Variants in GAS2 observed in about 807,000 individuals in gnomAD.
GAS2 encodes growth arrest-specific protein 2.
A neutral mutation model predicts 37.5 loss-of-function variants in GAS2; 20 were observed. That is an observed-to-expected ratio of 0.53 (90% CI 0.37 to 0.77). GAS2 has a LOEUF of 0.77. GAS2 is among the 30% of genes least tolerant of loss of function. GAS2 has a pLI of 0.00. For missense variants in GAS2, 336 were observed against 373.4 expected (o/e 0.90, Z 0.82); for synonymous variants, 144 against 132.2 (o/e 1.09, Z -0.61).
intron 4 of GAS2, among the ~76,000 whole-genome samples, chr11:22,737,449 G>T (rs930677933): frequency 3.3e-5 from 5 of 152,132 alleles, no homozygotes; most frequent in African/African-American, 1.2e-4. Context: ...TTTCCTGAGG[G>T]TTTCCTGAGA....
chr11:22,773,684 G>A (rs1197669258), intron 7 of GAS2, among the ~76,000 whole-genome samples: 1 of 151,920 alleles, frequency 6.6e-6, no homozygotes, highest in Non-Finnish European at 1.5e-5. Context: ...CTCTCCTTGG[G>A]GCTTATTTGC....
At chr11:22,698,601 A>T (rs1007491283) in intron 3 of GAS2, among the ~76,000 whole-genome samples, 1 of 149,360 alleles carries the variant, frequency 6.7e-6, no homozygotes, top group East Asian at 2.0e-4. Context: ...CTTGATGAAT[A>T]TTGATGCAAA....
At chr11:22,783,113 T>C (rs929399428) in intron 7 of GAS2, among the ~76,000 whole-genome samples, 1 of 152,062 alleles carries the variant, frequency 6.6e-6, no homozygotes, top group Non-Finnish European at 1.5e-5. Context: ...AACGTCCTTT[T>C]CTTTTTGACA....
chr11:22,811,775 C>T (rs1410511357), intron 7 of GAS2, 23 bp from the exon 8 acceptor site: 1 of 1,606,634 alleles, frequency 6.2e-7, no homozygotes, highest in Non-Finnish European at 8.5e-7. Flanking sequence ...GAATTTAACA[C>T]TTTTGATATT....
At chr11:22,626,163 T>G (rs981883385) in intron 1 of GAS2, 14 of 348,606 alleles carry the variant, frequency 4.0e-5, no homozygotes, top group African/African-American at 2.9e-4. Flanking sequence ...TGCCTAAAAC[T>G]AGAATCTGTG....
intron 1 of GAS2, among the ~76,000 whole-genome samples, chr11:22,629,400 T>TAG (rs1419013243): frequency 6.6e-6 from 1 of 152,212 alleles, no homozygotes; most frequent in East Asian, 1.9e-4. Flanking sequence ...CCATAGAGGC[T>TAG]GTACTGGTTT....
chr11:22,719,902 T>A (rs1851867803), intron 3 of GAS2, among the ~76,000 whole-genome samples: 1 of 152,050 alleles, frequency 6.6e-6, no homozygotes, highest in South Asian at 2.1e-4. Context: ...AGAACTGCTA[T>A]AAGCATCCAT....
chr11:22,811,516 G>C (rs1371869940), intron 7 of GAS2, among the ~76,000 whole-genome samples: 1 of 152,156 alleles, frequency 6.6e-6, no homozygotes, highest in Non-Finnish European at 1.5e-5. Context: ...AGATGTCAGA[G>C]AGAAGCCTCC....
chr11:22,795,395 G>A (rs1856378308), intron 7 of GAS2, among the ~76,000 whole-genome samples: 1 of 152,068 alleles, frequency 6.6e-6, no homozygotes, highest in Non-Finnish European at 1.5e-5. Context: ...GCAGAACAGG[G>A]TAAGGCAGAT....
chr11:22,655,746 C>G (rs1001755427), intron 1 of GAS2, among the ~76,000 whole-genome samples: 2 of 152,214 alleles, frequency 1.3e-5, no homozygotes, highest in African/African-American at 4.8e-5. Flanking sequence ...TCTCCTCATT[C>G]AGCAAACAAA....
chr11:22,659,044 T>G (rs1848887350), intron 1 of GAS2, among the ~76,000 whole-genome samples: 1 of 152,174 alleles, frequency 6.6e-6, no homozygotes, highest in African/African-American at 2.4e-5. Context: ...TGCATATGGT[T>G]GCTAAATTGA....
chr11:22,737,992 G>A lies in GAS2; in HGVS notation c.473+224G>A, dbSNP rs115780746. Among the ~76,000 whole-genome samples, 849 of 152,260 alleles carry A rather than the reference G, an allele frequency of 5.6e-3. 14 individuals carry two copies. Among genetic ancestry groups the A allele is most frequent in the African/African-American group, 0.019 (770 of 41,552 alleles). ...TTGTTGTCAAAGCCACTATGTCTAA[G>A]CATTTGCTAATAAAATACATTTTCC... On this transcript the variant is annotated intron_variant, in intron 5 of 7. Transcript: ENST00000454584.
At chr11:22,729,635 C>A (rs1028715466) in intron 4 of GAS2, among the ~76,000 whole-genome samples, 7 of 151,386 alleles carry the variant, frequency 4.6e-5, no homozygotes, top group African/African-American at 1.7e-4. Flanking sequence ...GATGAAGAAC[C>A]TATTTGCAAA....
At chr11:22,694,481 C>A (rs935439383) in intron 3 of GAS2, among the ~76,000 whole-genome samples, 4 of 152,116 alleles carry the variant, frequency 2.6e-5, no homozygotes, top group African/African-American at 9.7e-5. Flanking sequence ...TATTCTTCAC[C>A]CTTTAGTGAA....
intron 7 of GAS2, among the ~76,000 whole-genome samples, chr11:22,791,451 G>A (rs547197738): frequency 1.3e-5 from 2 of 152,184 alleles, no homozygotes; most frequent in East Asian, 3.9e-4. Flanking sequence ...GAAGTTAATG[G>A]GCCAAAGATG....
intron 3 of GAS2, among the ~76,000 whole-genome samples, chr11:22,717,351 C>G (rs2134117413): frequency 6.6e-6 from 1 of 152,236 alleles, no homozygotes; most frequent in South Asian, 2.1e-4. Flanking sequence ...CAAATACTTA[C>G]AGCCAGCTGA....
At chr11:22,643,147 G>A (rs1848649803) in intron 1 of GAS2, among the ~76,000 whole-genome samples, 1 of 151,952 alleles carries the variant, frequency 6.6e-6, no homozygotes, top group African/African-American at 2.4e-5. Context: ...GGGTTGGCTG[G>A]TTTTATTAAT....
chr11:22,784,831 T>C (rs61892169), intron 7 of GAS2, among the ~76,000 whole-genome samples: 24,468 of 152,156 alleles, frequency 0.16, 1,963 homozygotes, highest in Non-Finnish European at 0.17. Context: ...CTCCTGTCTC[T>C]CTTTCTACCT....
chr11:22,667,739 G>T (rs1022775755), intron 1 of GAS2, among the ~76,000 whole-genome samples: 3 of 152,136 alleles, frequency 2.0e-5, no homozygotes, highest in Admixed American at 2.0e-4. Flanking sequence ...CAAAAGCGAG[G>T]GTTAACAGAT....
Sources: allele counts gnomAD v4.1 joint callset (sites outside exome capture counted in the v4.1 genomes callset), GRCh38; gene constraint gnomAD v4.1.1; transcripts MANE v1.5; gene names NCBI Gene and HGNC (gene_info 2026-07-23, HGNC 2026-07-21).